FNDC3A: variants seen among roughly 807,000 people sequenced by gnomAD.
FNDC3A encodes the protein fibronectin type-III domain-containing protein 3A.
In FNDC3A, 32 loss-of-function variants were observed where a neutral mutation model predicts 148.9. That is an observed-to-expected ratio of 0.21 (90% CI 0.16 to 0.29). FNDC3A has a LOEUF of 0.29. Ranked by LOEUF, FNDC3A falls within the 10% of genes least tolerant of loss-of-function variation. The pLI, the probability that FNDC3A is intolerant of heterozygous loss-of-function variation, is 1.00. For missense variants in FNDC3A, 1,191 were observed against 1,452.8 expected, an observed-to-expected ratio of 0.82 and a Z score of 2.93; for synonymous variants, 472 against 473.6, an observed-to-expected ratio of 1.00 and a Z score of 0.04.
At chr13:49,073,886 A>T (rs558022755) in intron 2 of FNDC3A, among the ~76,000 whole-genome samples, 20 of 148,438 alleles carry the variant, frequency 1.3e-4, no homozygotes, top group African/African-American at 2.7e-4. Flanking sequence ...ATTCCTTAAT[A>T]AAAAAAAATC....
intron 19 of FNDC3A, among the ~76,000 whole-genome samples, chr13:49,191,634 T>C (rs1430352679): frequency 6.6e-6 from 1 of 152,156 alleles, no homozygotes; most frequent in Non-Finnish European, 1.5e-5. Flanking sequence ...TGGGCTAGAG[T>C]TTACCTTTTA....
At chr13:49,093,385 TTTG>T (rs1226415871) in intron 3 of FNDC3A, among the ~76,000 whole-genome samples, 2 of 152,212 alleles carry the variant, frequency 1.3e-5, no homozygotes, top group East Asian at 1.9e-4. Flanking sequence ...AGAAAGTGAC[TTTG>T]TTATTTAATT....
rs746731844 is a variant in FNDC3A at position 49,168,770 on chromosome 13, G to A, written c.1176+19G>A. 6.2e-7 allele frequency: 1 copy of A among 1,609,156 alleles called. No homozygotes were observed. The highest frequency in any genetic ancestry group is 1.3e-5 in the African/African-American group (1 of 74,736). ...ATGGAAGGTAAGAATATTCTTTAGG[G>A]TGTTTCCAACTGGACATGTGTTTCT... On this transcript the variant is annotated intron_variant, in intron 10 of 25. Transcript: ENST00000492622.
At chr13:49,005,657 G>A (rs1952206809) in intron 1 of FNDC3A, among the ~76,000 whole-genome samples, 1 of 151,850 alleles carries the variant, frequency 6.6e-6, no homozygotes, top group African/African-American at 2.4e-5. Context: ...TTTGTCTGAG[G>A]AATCAGTGAA....
At chr13:49,199,454 A>G (rs928743489) in intron 23 of FNDC3A, among the ~76,000 whole-genome samples, 1 of 151,590 alleles carries the variant, frequency 6.6e-6, no homozygotes, top group Non-Finnish European at 1.5e-5. Context: ...CAGCCTCCCA[A>G]GTAGCTGGGA....
chr13:49,080,383 TTTTTTCCCCCTTCTTTA>T (rs1451736320), intron 3 of FNDC3A, among the ~76,000 whole-genome samples: 2 of 152,144 alleles, frequency 1.3e-5, no homozygotes, highest in African/African-American at 4.8e-5. Flanking sequence ...CCATACCTCA[TTTTTTCCCCCTTCTTTA>T]ACCATTATTC....
chr13:49,204,059 AAT>A (rs1886537613), intron 25 of FNDC3A, among the ~76,000 whole-genome samples: 2 of 152,198 alleles, frequency 1.3e-5, no homozygotes, highest in African/African-American at 2.4e-5. Flanking sequence ...TAGAAAGACT[AAT>A]AAGGAGGCTT....
chr13:48,991,288 G>A (rs1488156604), intron 1 of FNDC3A, among the ~76,000 whole-genome samples: 4 of 152,086 alleles, frequency 2.6e-5, no homozygotes, highest in African/African-American at 9.7e-5. Flanking sequence ...AGTTAAACCA[G>A]AAGTTAGGTT....
rs555295584 is a variant in FNDC3A, at chr13:48,978,159, A to G, written c.-40+1982A>G. ...TGTGTGAGTAATTGAGACCTGATTT[A>G]TTTTAACACACATGTAATGATTACT... On this transcript the variant is annotated intron_variant, in intron 1 of 25. Transcript: ENST00000492622. 2.3e-3 allele frequency among the ~76,000 whole-genome samples: 354 copies of G among 151,972 alleles called. 2 individuals carry two copies. The highest frequency in any genetic ancestry group is 5.8e-3 in the Admixed American group (89 of 15,296).
rs2137847616 is a variant in FNDC3A at position 49,104,844 on chromosome 13, AAAT to A, written c.176-9802_176-9800del. On this transcript the variant is annotated intron_variant, in intron 3 of 25. Transcript: ENST00000492622. The stretch of plus-strand genomic sequence containing the variant: ...GACTTATGTGAAAGGATAAACTTAA[AAAT>A]AATAATAAAGAGAGAGTATCTTCAT... 2.6e-5 allele frequency among the ~76,000 whole-genome samples: 4 copies of A among 152,308 alleles called. 1 individual carries two copies. The South Asian group carries it at 8.3e-4, about 32-fold the overall frequency.
In FNDC3A at chr13:49,198,380, G is replaced by T; in HGVS notation, c.2793G>T (p.Leu931Phe). 1.2e-6 allele frequency: 2 copies of T among 1,614,080 alleles called. No individual in the cohort carries two copies. The highest frequency in any genetic ancestry group is 1.7e-6 in the Non-Finnish European group (2 of 1,179,982). Residue 931 changes from leucine (L) to phenylalanine (F), a missense_variant, in exon 23 of 26, where the codon TTG becomes TTT. By Grantham distance (22) the Leu-to-Phe change is conservative (BLOSUM62 0). Coordinates refer to ENST00000492622, the MANE Select transcript of FNDC3A (RefSeq NM_001079673.2). ...CACTTAGAATACGAATTCAAGCCTT[G>T]AATAGCCTTGGAGCTGGTCCTTTCA... The part of the protein sequence containing the change: ...DTTYRIRIQA[L>F]NSLGAGPFSH...
rs1883784510 is a variant in FNDC3A, at chr13:49,157,622, C to T, written c.978-9622C>T. On this transcript the variant is annotated intron_variant, in intron 8 of 25. Coordinates refer to ENST00000492622, the MANE Select transcript of FNDC3A (RefSeq NM_001079673.2). ...CTGCGTTTTAGAGTTTCCACTTTTT[C>T]TGTTCTGTTTTTTCCCCATCTTTGT... 2.0e-5 allele frequency among the ~76,000 whole-genome samples: 3 copies of T among 151,142 alleles called. No homozygotes were observed. In the South Asian group the frequency reaches 6.3e-4, roughly 32 times the overall value.
In FNDC3A at chr13:48,977,702, C is replaced by A. The variant is rs577376251; in HGVS notation, c.-40+1525C>A. Among the ~76,000 whole-genome samples the A allele has an allele frequency of 2.0e-5, 3 of 152,270 alleles. No individual in the cohort carries two copies. The South Asian group carries it at 6.2e-4, about 32-fold the overall frequency. On this transcript the variant is annotated intron_variant, in intron 1 of 25. Coordinates refer to ENST00000492622, the MANE Select transcript of FNDC3A (RefSeq NM_001079673.2). The stretch of plus-strand genomic sequence containing the variant: ...GAAATGTTGCTTTTAGCTTTGTAGC[C>A]TACTAATCTTGCTTTCTAATCACAC...
intron 20 of FNDC3A, among the ~76,000 whole-genome samples, chr13:49,197,275 A>G (rs1886200160): frequency 6.6e-6 from 1 of 152,246 alleles, no homozygotes; most frequent in Non-Finnish European, 1.5e-5. Context: ...AATGTTCAGA[A>G]TAGACATACA....
chr13:49,011,265 G>A (rs145226326), intron 2 of FNDC3A, among the ~76,000 whole-genome samples: 21 of 151,022 alleles, frequency 1.4e-4, no homozygotes, highest in Admixed American at 6.6e-4. Context: ...ACAGGGTCTC[G>A]CTCTGTCACC....
Position 49,178,671 on chromosome 13 carries a change from C to G in FNDC3A, c.1617+17C>G. The stretch of plus-strand genomic sequence containing the variant: ...AAATTTAAGGTAAGCTTTGAAAACC[C>G]TTAAACGATTTGTTCCTTGTTCCTA... On this transcript the variant is annotated intron_variant, in intron 14 of 25. Transcript: ENST00000492622. The G allele has an allele frequency of 7.3e-7, 1 of 1,376,984 alleles. No individual in the cohort carries two copies. Among genetic ancestry groups the G allele is most frequent in the Non-Finnish European group, 1.0e-6 (1 of 999,144 alleles). The allele number at this position is 1,376,984 out of a possible 1,614,324, so 85.3% of individuals were successfully genotyped here. A position where few individuals can be genotyped will look rare whatever the true frequency, so the allele number is the denominator to read the frequency against.
chr13:49,053,583 G>A (rs552817536), intron 2 of FNDC3A, among the ~76,000 whole-genome samples: 1 of 152,148 alleles, frequency 6.6e-6, no homozygotes, highest in Non-Finnish European at 1.5e-5. Context: ...AGGGGTGTTG[G>A]GGGGTGGCTT....
chr13:48,999,476 C>T (rs1462752485), intron 1 of FNDC3A, among the ~76,000 whole-genome samples: 2 of 152,086 alleles, frequency 1.3e-5, no homozygotes, highest in Admixed American at 1.3e-4. Context: ...GTACCTCTAC[C>T]TTCACCCATA....
intron 4 of FNDC3A, among the ~76,000 whole-genome samples, chr13:49,128,647 C>T (rs11839038): frequency 6.6e-6 from 1 of 152,044 alleles, no homozygotes; most frequent in African/African-American, 2.4e-5. Flanking sequence ...ATGATGAACT[C>T]CAACTCCTTA....
Sources: gnomAD v4.1 joint callset for allele counts (sites outside exome capture counted in the v4.1 genomes callset) on GRCh38, gnomAD v4.1.1 for gene constraint, MANE v1.5 for transcripts, NCBI Gene and HGNC (gene_info 2026-07-23, HGNC 2026-07-21) for gene names.